CYFIP2: variants seen among roughly 807,000 people sequenced by gnomAD.
The protein encoded by CYFIP2 is cytoplasmic FMR1-interacting protein 2.
Under a neutral mutation model 158.7 loss-of-function variants are expected in CYFIP2, and 29 were observed. The ratio of observed to expected loss-of-function variants is 0.18; its 90% CI spans 0.14 to 0.25. The LOEUF (loss-of-function observed/expected upper bound fraction) is 0.25, where lower values mean the gene tolerates loss of function less well. Among genes scored for constraint, CYFIP2 ranks in the 10% least tolerant of loss-of-function variants. The pLI is 1.00. For synonymous variants in CYFIP2, 585 were observed against 617.6 expected (o/e 0.95, Z 0.78); for missense variants, 852 against 1,639.5 (o/e 0.52, Z 8.29).
At chr5:157,350,348 C>CAATT (rs1296268492) in intron 23 of CYFIP2, among the ~76,000 whole-genome samples, 2 of 152,146 alleles carry the variant, frequency 1.3e-5, no homozygotes, top group South Asian at 4.1e-4. Context: ...TGTGGCTTGC[C>CAATT]AATTATCCCA....
intron 20 of CYFIP2, among the ~76,000 whole-genome samples, chr5:157,332,641 G>A (rs758072036): frequency 1.2e-4 from 18 of 152,196 alleles, no homozygotes; most frequent in Non-Finnish European, 1.9e-4. Flanking sequence ...GTGTCAGCGC[G>A]AATCTTTATT....
intron 15 of CYFIP2, among the ~76,000 whole-genome samples, chr5:157,322,636 C>T (rs1760692165): frequency 6.6e-6 from 1 of 152,212 alleles, no homozygotes; most frequent in Non-Finnish European, 1.5e-5. Context: ...GCCACTGTGG[C>T]TGCTTTCCCA....
Position 157,266,244 on chromosome 5 carries a change from G to T in CYFIP2, c.-24+49G>T, listed in dbSNP as rs1351473943. The T allele has an allele frequency of 6.6e-6, 1 of 150,872 alleles. No homozygotes were observed. The highest frequency in any genetic ancestry group is 6.6e-5 in the Admixed American group (1 of 15,160). The allele number at this position is 150,872 out of a possible 1,614,324, so 9.3% of individuals were successfully genotyped here. ...GGCCGGGCACGGGGACTAGGATGCC[G>T]CCGGGGACGGGGATGAGGCCGTGAG... On this transcript the variant is annotated intron_variant, in intron 1 of 30. Coordinates refer to ENST00000620254, the MANE Select transcript of CYFIP2 (RefSeq NM_001037333.3). The surrounding 1 kb of genome is among the most constrained non-coding windows in gnomAD (Gnocchi z 4.2).
In CYFIP2 at chr5:157,319,863, C is replaced by T. The variant is rs563909737; in HGVS notation, c.1458C>T (p.Phe486=). ...RNTIYAALQD[F]AQVTLREPLR... The stretch of plus-strand genomic sequence containing the variant: ...CCATCTACGCGGCATTGCAGGACTT[C>T]GCCCAGGTGACGCTGCGTGAGCCCC... The change falls in exon 14 of 31, where the codon TTC becomes TTT. Residue 486 remains phenylalanine, a synonymous_variant. Coordinates refer to ENST00000620254, the MANE Select transcript of CYFIP2 (RefSeq NM_001037333.3). 42 of 1,614,068 alleles carry T rather than the reference C, an allele frequency of 2.6e-5. No individual in the cohort carries two copies. The highest frequency in any genetic ancestry group is 8.9e-5 in the East Asian group (4 of 44,882).
At chr5:157,381,359 T>C (rs1766046845) in intron 26 of CYFIP2, among the ~76,000 whole-genome samples, 1 of 124,692 alleles carries the variant, frequency 8.0e-6, no homozygotes, top group Non-Finnish European at 1.6e-5. Context: ...ATTGTAGGTA[T>C]GATAAAAAAA....
At chr5:157,375,333 T>C (rs116788777) in intron 26 of CYFIP2, among the ~76,000 whole-genome samples, 1 of 152,178 alleles carries the variant, frequency 6.6e-6, no homozygotes, top group African/African-American at 2.4e-5. Flanking sequence ...ACACCATGCC[T>C]ATCAAAGAAC....
intron 26 of CYFIP2, among the ~76,000 whole-genome samples, chr5:157,378,446 T>G (rs1261414637): frequency 6.6e-6 from 1 of 152,118 alleles, no homozygotes; most frequent in Non-Finnish European, 1.5e-5. Context: ...GTTTCTTAGG[T>G]GTTAAGATTT....
chr5:157,358,312 T>TCC (rs1763559662), intron 23 of CYFIP2, among the ~76,000 whole-genome samples: 1 of 152,164 alleles, frequency 6.6e-6, no homozygotes, highest in African/African-American at 2.4e-5. Context: ...GGTCTGTGGG[T>TCC]CCCCAGCCAG....
intron 3 of CYFIP2, among the ~76,000 whole-genome samples, chr5:157,294,234 TG>T (rs1758069445): frequency 6.6e-6 from 1 of 152,196 alleles, no homozygotes; most frequent in Non-Finnish European, 1.5e-5. Flanking sequence ...TTATCATCCT[TG>T]CTTTAAGGTT....
chr5:157,392,720 G>T, intron 30 of CYFIP2, 113 bp from the exon 31 acceptor site: 1 of 1,192,756 alleles, frequency 8.4e-7, no homozygotes, highest in Non-Finnish European at 1.2e-6. Flanking sequence ...CTTTAAGAAA[G>T]TGACATGATC....
rs186546685 is a variant in CYFIP2, at chr5:157,386,343, G to A, written c.3208-2846G>A. Among the ~76,000 whole-genome samples, 690 of 152,092 alleles carry A rather than the reference G, an allele frequency of 4.5e-3. 7 individuals are homozygous for A. The highest frequency in any genetic ancestry group is 0.016 in the African/African-American group (661 of 41,496). On this transcript the variant is annotated intron_variant, in intron 28 of 30. Transcript: ENST00000620254. ...AGCAATCTTCCTGCCTCAGCCTCCCGAGAAGCTGGGATGACAGGCGCACAA... is the reference window on the plus strand; with the variant it reads ...AGCAATCTTCCTGCCTCAGCCTCCCAAGAAGCTGGGATGACAGGCGCACAA...
intron 26 of CYFIP2, among the ~76,000 whole-genome samples, chr5:157,379,417 A>C (rs1326757590): frequency 6.6e-6 from 1 of 152,032 alleles, no homozygotes; most frequent in African/African-American, 2.4e-5. Context: ...CTCACTTAAA[A>C]ATTGATAAGC....
intron 9 of CYFIP2, among the ~76,000 whole-genome samples, chr5:157,309,384 AC>A (rs1759513884): frequency 6.6e-6 from 1 of 152,230 alleles, no homozygotes; most frequent in African/African-American, 2.4e-5. Context: ...AGAAATCATA[AC>A]AGCAAGGATG....
In CYFIP2 at chr5:157,351,600, T is replaced by A. The variant is rs1277495968; in HGVS notation, c.2674-7405T>A. The stretch of plus-strand genomic sequence containing the variant: ...GAGACTGAAGCTCAGCGGGGCCGGC[T>A]TGGCTGCTCTCACAAAGCAAGGTCC... On this transcript the variant is annotated intron_variant, in intron 23 of 30. Coordinates refer to ENST00000620254, the MANE Select transcript of CYFIP2 (RefSeq NM_001037333.3). 5.3e-5 allele frequency among the ~76,000 whole-genome samples: 8 copies of A among 150,504 alleles called. No homozygotes were observed. The East Asian group carries it at 1.5e-3, about 29-fold the overall frequency.
In CYFIP2 at chr5:157,390,644, G is replaced by A; in HGVS notation, c.3570G>A (p.Gly1190=). ...TGCTAAAAGTGCAGAGGCAGGACGG[G>A]AAGGATGAAATCATTAAGAATGTGG... is the stretch of plus-strand genomic sequence containing the variant. ...YHLLKVQRQD[G]KDEIIKNVPL... The change falls in exon 30 of 31, where the codon GGG becomes GGA. Residue 1190 remains glycine, a synonymous_variant. Coordinates refer to ENST00000620254, the MANE Select transcript of CYFIP2 (RefSeq NM_001037333.3). 1 of 1,587,184 alleles carries A rather than the reference G, an allele frequency of 6.3e-7. No individual in the cohort carries two copies. The highest frequency in any genetic ancestry group is 8.6e-7 in the Non-Finnish European group (1 of 1,166,606).
chr5:157,323,380 C>T (rs1760762687), intron 15 of CYFIP2, among the ~76,000 whole-genome samples: 1 of 152,160 alleles, frequency 6.6e-6, no homozygotes, highest in African/African-American at 2.4e-5. Flanking sequence ...TCGTTCTGAT[C>T]TTATCCCATT....
chr5:157,312,514 G>C (rs1392119732), intron 11 of CYFIP2, among the ~76,000 whole-genome samples: 2 of 152,108 alleles, frequency 1.3e-5, no homozygotes, highest in South Asian at 2.1e-4. Context: ...TATGCTGTTT[G>C]ATAAACACTA....
At chr5:157,307,978 T>G in intron 9 of CYFIP2, 113 bp downstream of exon 9, 5 of 641,482 alleles carry the variant, frequency 7.8e-6, no homozygotes, top group Non-Finnish European at 1.4e-5. Flanking sequence ...TTAATTGAGC[T>G]GTAGCTCCAA....
In CYFIP2 at chr5:157,395,250, C is replaced by T. The variant is rs1476947006; in HGVS notation, c.*2250C>T. 3 of 268,476 alleles carry T rather than the reference C, an allele frequency of 1.1e-5. No individual in the cohort carries two copies. Among genetic ancestry groups the T allele is most frequent in the East Asian group, 2.6e-4 (2 of 7,576 alleles). 16.6% of individuals were successfully genotyped at this position (268,476 alleles called of 1,614,324 possible). A position where few individuals can be genotyped will look rare whatever the true frequency, so the allele number is the denominator to read the frequency against. ...CACCCAATGAGTTTAATATTCTTTC[C>T]TCCTTGGCATTACTGCCCCAGCCTC... On this transcript the variant is annotated 3_prime_UTR_variant, in exon 31 of 31. Transcript: ENST00000620254.
Sources: allele counts gnomAD v4.1 joint callset (sites outside exome capture counted in the v4.1 genomes callset), GRCh38; gene constraint gnomAD v4.1.1; non-coding constraint Gnocchi (gnomAD v3.1); transcripts MANE v1.5; gene names NCBI Gene and HGNC (gene_info 2026-07-23, HGNC 2026-07-21).